CMTM6: variants seen among roughly 807,000 people sequenced by gnomAD.
CMTM6 encodes the protein CKLF-like MARVEL transmembrane domain-containing protein 6.
A neutral mutation model predicts 13.6 loss-of-function variants in CMTM6; 5 were observed. That is an observed-to-expected ratio of 0.37 (90% confidence interval 0.19 to 0.77). CMTM6 has a LOEUF of 0.77. Among genes scored for constraint, CMTM6 ranks in the 30% least tolerant of loss-of-function variants. The probability of loss-of-function intolerance (pLI) is 0.50; values close to 1 mark genes in which losing one functional copy is unlikely to be tolerated. For missense variants in CMTM6, 196 were observed against 218.6 expected (o/e 0.90, Z 0.65); for synonymous variants, 99 against 84.5 (o/e 1.17, Z -0.94).
At chr3:32,500,222 T>C (rs1697333151) in intron 1 of CMTM6, among the ~76,000 whole-genome samples, 1 of 152,202 alleles carries the variant, frequency 6.6e-6, no homozygotes, top group African/African-American at 2.4e-5. Context: ...TCTGTTTAGT[T>C]TTTTAAAAAA....
At chr3:32,501,351 T>G (rs1338459780) in intron 1 of CMTM6, among the ~76,000 whole-genome samples, 1 of 152,054 alleles carries the variant, frequency 6.6e-6, no homozygotes, top group East Asian at 1.9e-4. Flanking sequence ...AGGAAGAAGG[T>G]AGAAGGAACA....
chr3:32,483,735 T>G lies in CMTM6; in HGVS notation c.*225A>C. ...TCTCCTCCTCCCACCAAAATCTCCA[T>G]TTGAGATAAGTTTCAATTATTATTT... On this transcript the variant is annotated 3_prime_UTR_variant, in exon 4 of 4. Coordinates refer to ENST00000205636, the MANE Select transcript of CMTM6 (RefSeq NM_017801.3). The G allele has an allele frequency of 6.4e-6, 2 of 311,450 alleles. No homozygotes were observed. The highest frequency in any genetic ancestry group is 1.2e-5 in the Non-Finnish European group (2 of 172,588). 19.3% of individuals were successfully genotyped at this position (311,450 alleles called of 1,614,324 possible).
At chr3:32,487,322 A>C (rs1285265491) in intron 3 of CMTM6, among the ~76,000 whole-genome samples, 1 of 152,086 alleles carries the variant, frequency 6.6e-6, no homozygotes, top group Non-Finnish European at 1.5e-5. Context: ...ACCCACTGAA[A>C]ACTGCTGTCT....
At chr3:32,501,640 T>C (rs765716184) in intron 1 of CMTM6, among the ~76,000 whole-genome samples, 32 of 152,340 alleles carry the variant, frequency 2.1e-4, no homozygotes, top group Non-Finnish European at 4.4e-4. Context: ...CTTCGGGTCA[T>C]TTGAGTTGTA....
At chr3:32,496,353 G>A (rs778109981) in intron 1 of CMTM6, among the ~76,000 whole-genome samples, 16 of 151,860 alleles carry the variant, frequency 1.1e-4, no homozygotes, top group Non-Finnish European at 1.9e-4. Context: ...AAGCCAAGGC[G>A]GGAGGATTGC....
intron 2 of CMTM6, among the ~76,000 whole-genome samples, chr3:32,489,797 G>A (rs1193942783): frequency 1.3e-5 from 2 of 151,920 alleles, no homozygotes; most frequent in East Asian, 3.8e-4. Context: ...ATACATTCAA[G>A]TTAATTGAAA....
chr3:32,494,260 C>G (rs556797976), intron 1 of CMTM6, among the ~76,000 whole-genome samples: 40 of 152,182 alleles, frequency 2.6e-4, no homozygotes, highest in African/African-American at 9.4e-4. Flanking sequence ...CTGCTGAGGG[C>G]CGAAACCATC....
chr3:32,499,715 G>A (rs569632961), intron 1 of CMTM6, among the ~76,000 whole-genome samples: 3 of 152,242 alleles, frequency 2.0e-5, no homozygotes, highest in Admixed American at 6.5e-5. Flanking sequence ...GTAGTTGGGG[G>A]ATGCTTAGGG....
chr3:32,484,078 C>G lies in CMTM6; in HGVS notation c.434G>C (p.Ser145Thr). 6.4e-7 allele frequency: 1 copy of G among 1,566,874 alleles called. No homozygotes were observed. The highest frequency in any genetic ancestry group is 8.7e-7 in the Non-Finnish European group (1 of 1,155,692). The change falls in exon 4 of 4, where the codon AGT becomes ACT. Residue 145 changes from serine to threonine, a missense_variant. Physicochemically the swap from Ser to Thr is moderately conservative, Grantham distance 58. Transcript: ENST00000205636. The stretch of plus-strand genomic sequence containing the variant: ...GATAAAGTCAAGTAGGAACATAAAA[C>G]TTGCTATAAATCCAAACACCTGAGG... Reference protein sequence around the residue: ...IAAIVFGFIASFMFLLDFITM... With the variant: ...IAAIVFGFIATFMFLLDFITM...
intron 1 of CMTM6, among the ~76,000 whole-genome samples, chr3:32,496,854 G>A (rs893195617): frequency 1.3e-5 from 2 of 152,270 alleles, no homozygotes; most frequent in East Asian, 3.9e-4. Flanking sequence ...GACCTAACTG[G>A]ATGGGGATGA....
intron 1 of CMTM6, 119 bp downstream of exon 1, chr3:32,502,489 G>T: frequency 7.8e-7 from 1 of 1,277,342 alleles, no homozygotes; most frequent in Non-Finnish European, 1.1e-6. Context: ...GGAACTAGAG[G>T]TGTGGAAACC....
chr3:32,484,123 A>G lies in CMTM6; in HGVS notation c.415-26T>C, dbSNP rs372695787. The stretch of plus-strand genomic sequence containing the variant: ...CTGAGGAAAAAAAGGAGGAAAGGTT[A>G]TATGAGAATTTTGGAATATAATCTT... On this transcript the variant is annotated intron_variant, in intron 3 of 3. Transcript: ENST00000205636. 11 of 1,533,380 alleles carry G rather than the reference A, an allele frequency of 7.2e-6. No individual in the cohort carries two copies. The African/African-American group carries it at 1.4e-4, about 20-fold the overall frequency. 95.0% of individuals were successfully genotyped at this position (1,533,380 alleles called of 1,614,324 possible). A position where few individuals can be genotyped will look rare whatever the true frequency, so the allele number is the denominator to read the frequency against.
chr3:32,481,594 TGA>T lies in CMTM6; in HGVS notation c.*2364_*2365del, dbSNP rs1399274629. ...GTTAATTTAAAAATTATTTTAAATT[TGA>T]GTTTATTGAATTTGCCATTTTTTTG... On this transcript the variant is annotated 3_prime_UTR_variant, in exon 4 of 4. Coordinates refer to ENST00000205636, the MANE Select transcript of CMTM6 (RefSeq NM_017801.3). The T allele has an allele frequency of 2.0e-5, 3 of 152,196 alleles. No homozygotes were observed. Among genetic ancestry groups the T allele is most frequent in the African/African-American group, 7.2e-5 (3 of 41,456 alleles). 9.4% of individuals were successfully genotyped at this position (152,196 alleles called of 1,614,324 possible).
At position 32,502,769 on chromosome 3, in the gene CMTM6, G is replaced by T; in HGVS notation, c.-24C>A. The T allele has an allele frequency of 2.1e-6, 3 of 1,407,482 alleles. No individual in the cohort carries two copies. The highest frequency in any genetic ancestry group is 3.0e-5 in the Admixed American group (1 of 32,874). 87.2% of individuals were successfully genotyped at this position (1,407,482 alleles called of 1,614,324 possible). A position where few individuals can be genotyped will look rare whatever the true frequency, so the allele number is the denominator to read the frequency against. Reference sequence around the variant, plus strand: ...ATCGCCTCGGGCCGGGGAGCGCGGCGGCCGCAGCAACCGCGCCGTTGACTT... The same window carrying T: ...ATCGCCTCGGGCCGGGGAGCGCGGCTGCCGCAGCAACCGCGCCGTTGACTT... On this transcript the variant is annotated 5_prime_UTR_variant, in exon 1 of 4. Coordinates refer to ENST00000205636, the MANE Select transcript of CMTM6 (RefSeq NM_017801.3).
chr3:32,497,221 A>T (rs532129688), intron 1 of CMTM6, among the ~76,000 whole-genome samples: 6 of 151,718 alleles, frequency 4.0e-5, no homozygotes, highest in Non-Finnish European at 5.9e-5. Flanking sequence ...GTCTCTACTA[A>T]AAATACAAAA....
At chr3:32,492,930 G>C (rs762034847) in intron 1 of CMTM6, among the ~76,000 whole-genome samples, 1 of 152,190 alleles carries the variant, frequency 6.6e-6, no homozygotes, top group Non-Finnish European at 1.5e-5. Context: ...CTGAAGTGAA[G>C]TGAGATCTTA....
At chr3:32,497,382 CAAAAAAAA>C (rs144445988) in intron 1 of CMTM6, among the ~76,000 whole-genome samples, 8 of 53,634 alleles carry the variant, frequency 1.5e-4, no homozygotes, top group African/African-American at 6.4e-4. Context: ...GACTCTGTCT[CAAAAAAAA>C]AAAAAAAAAA....
rs1327581379 is a variant in CMTM6 at position 32,483,252 on chromosome 3, G to C, written c.*708C>G. Reference sequence around the variant, plus strand: ...TTACAAAACAATCTTTTTTTTACTTGACATCAACAACCAAGGTGCAGTATA... The same window carrying C: ...TTACAAAACAATCTTTTTTTTACTTCACATCAACAACCAAGGTGCAGTATA... On this transcript the variant is annotated 3_prime_UTR_variant, in exon 4 of 4. Coordinates refer to ENST00000205636, the MANE Select transcript of CMTM6 (RefSeq NM_017801.3). 6.6e-6 allele frequency: 1 copy of C among 152,266 alleles called. No individual in the cohort carries two copies. The highest frequency in any genetic ancestry group is 1.5e-5 in the Non-Finnish European group (1 of 67,960). The allele number at this position is 152,266 out of a possible 1,614,324, so 9.4% of individuals were successfully genotyped here. A position where few individuals can be genotyped will look rare whatever the true frequency, so the allele number is the denominator to read the frequency against.
At chr3:32,498,003 A>G (rs577579229) in intron 1 of CMTM6, among the ~76,000 whole-genome samples, 6 of 152,192 alleles carry the variant, frequency 3.9e-5, no homozygotes, top group South Asian at 2.1e-4. Flanking sequence ...AACATAACCC[A>G]TAAGTAAAAA....
Sources: allele counts gnomAD v4.1 joint callset (sites outside exome capture counted in the v4.1 genomes callset), GRCh38; gene constraint gnomAD v4.1.1; transcripts MANE v1.5; gene names NCBI Gene and HGNC (gene_info 2026-07-23, HGNC 2026-07-21).